PIK3CB: variants seen among roughly 807,000 people sequenced by gnomAD.
PIK3CB encodes phosphatidylinositol 4,5-bisphosphate 3-kinase catalytic subunit beta isoform.
Under a neutral mutation model 136.8 loss-of-function variants are expected in PIK3CB, and 39 were observed. That is an observed-to-expected ratio of 0.29 (90% CI 0.22 to 0.37). The LOEUF is 0.37. Ranked by LOEUF, PIK3CB falls within the 10% of genes least tolerant of loss-of-function variation. The pLI is 1.00. For synonymous variants in PIK3CB, 428 were observed against 436.6 expected, an observed-to-expected ratio of 0.98 and a Z score of 0.25; for missense variants, 868 against 1,275.4, an observed-to-expected ratio of 0.68 and a Z score of 4.87.
chr3:138,787,607 G>A (rs1035066835), intron 2 of PIK3CB, among the ~76,000 whole-genome samples: 3 of 151,850 alleles, frequency 2.0e-5, no homozygotes, highest in African/African-American at 7.3e-5. Flanking sequence ...CATCTGAATA[G>A]GGAATATATT....
At chr3:138,698,101 A>T (rs2044175680) in intron 13 of PIK3CB, among the ~76,000 whole-genome samples, 2 of 152,230 alleles carry the variant, frequency 1.3e-5, no homozygotes, top group Non-Finnish European at 2.9e-5. Flanking sequence ...GAGAAGTGAA[A>T]CAATAAATCC....
chr3:138,742,411 C>T (rs966890571), intron 5 of PIK3CB, 147 bp downstream of exon 5: 14 of 576,734 alleles, frequency 2.4e-5, no homozygotes, highest in Non-Finnish European at 4.0e-5. Context: ...TATATATAAT[C>T]CTAAATACAT....
chr3:138,716,005 A>T (rs1278491135), intron 8 of PIK3CB, among the ~76,000 whole-genome samples: 1 of 152,186 alleles, frequency 6.6e-6, no homozygotes, highest in African/African-American at 2.4e-5. Flanking sequence ...TGATGGGTTC[A>T]TGGAGGTTCA....
At chr3:138,809,686 G>A (rs959526216) in intron 1 of PIK3CB, among the ~76,000 whole-genome samples, 2 of 150,792 alleles carry the variant, frequency 1.3e-5, no homozygotes, top group East Asian at 3.9e-4. Context: ...TAAACAAGAA[G>A]AGGAAGCGAG....
chr3:138,708,263 C>CTTTTTTTTTTTTTTT (rs61178842), intron 10 of PIK3CB, among the ~76,000 whole-genome samples: 1 of 108,886 alleles, frequency 9.2e-6, no homozygotes, highest in Non-Finnish European at 1.8e-5. Flanking sequence ...TTTTCTTTTT[C>CTTTTTTTTTTTTTTT]TTTTTTTTTT....
intron 2 of PIK3CB, among the ~76,000 whole-genome samples, chr3:138,762,281 A>G (rs2045673783): frequency 6.6e-6 from 1 of 152,150 alleles, no homozygotes; most frequent in Non-Finnish European, 1.5e-5. Flanking sequence ...AACAAAACCT[A>G]TCTTTGAAAT....
At chr3:138,717,253 C>CAAAAAA (rs538932107) in intron 8 of PIK3CB, among the ~76,000 whole-genome samples, 1 of 78,828 alleles carries the variant, frequency 1.3e-5, no homozygotes, top group Admixed American at 1.3e-4. Context: ...GACGCTGTCT[C>CAAAAAA]AAAAAAAAAA....
intron 5 of PIK3CB, among the ~76,000 whole-genome samples, chr3:138,739,225 AATGAGGTCAGGAGATC>A (rs2045184210): frequency 6.6e-6 from 1 of 151,424 alleles, no homozygotes; most frequent in Non-Finnish European, 1.5e-5. Context: ...GTGGGCAGAT[AATGAGGTCAGGAGATC>A]ATGACCAGCC....
intron 4 of PIK3CB, among the ~76,000 whole-genome samples, chr3:138,747,881 C>T (rs2045392934): frequency 6.6e-6 from 1 of 152,238 alleles, no homozygotes; most frequent in East Asian, 1.9e-4. Context: ...TTTTTAGTCA[C>T]TTCTGCCATT....
Position 138,807,517 on chromosome 3 carries a change from T to TA in PIK3CB, c.-121-10951dup, listed in dbSNP as rs532593052. Among the ~76,000 whole-genome samples, 489 of 152,280 alleles carry TA rather than the reference T, an allele frequency of 3.2e-3. 6 individuals are homozygous for TA. Among genetic ancestry groups the TA allele is most frequent in the African/African-American group, 1.0e-2 (415 of 41,562 alleles). ...AATGCCAATACACTATAAACTTTCTTAAAGTTTGTCAACAGAGGACTGGTT... is the reference window on the plus strand; with the variant it reads ...AATGCCAATACACTATAAACTTTCTTAAAAGTTTGTCAACAGAGGACTGGTT... On this transcript the variant is annotated intron_variant, in intron 1 of 23. Coordinates refer to ENST00000674063, the MANE Select transcript of PIK3CB (RefSeq NM_006219.3).
At position 138,742,587 on chromosome 3, in the gene PIK3CB, T is replaced by C; in HGVS notation, c.592A>G (p.Ile198Val). The change falls in exon 5 of 24, where the codon ATC becomes GTC. Residue 198 changes from isoleucine to valine, a missense_variant. Physicochemically the swap from Ile to Val is conservative, Grantham distance 29. Around this residue, in one of 4 missense-constraint regions of PIK3CB, gnomAD observed 612 missense variants for 801.1 expected, o/e 0.76. Transcript: ENST00000674063. ...CAGTTTTCAAAATGAACAGCTACGATGAGCTTTCCCCCATAAAGTTTATCT... is the reference window on the plus strand; with the variant it reads ...CAGTTTTCAAAATGAACAGCTACGACGAGCTTTCCCCCATAAAGTTTATCT... ...LEDKLYGGKL[I>V]VAVHFENCQD... is the part of the protein sequence containing the mutation. 2.5e-6 allele frequency: 4 copies of C among 1,581,348 alleles called. No homozygotes were observed. In the South Asian group the frequency reaches 4.5e-5, roughly 18 times the overall value.
chr3:138,789,837 C>T (rs751218471), intron 2 of PIK3CB, among the ~76,000 whole-genome samples: 6 of 151,814 alleles, frequency 4.0e-5, no homozygotes, highest in Non-Finnish European at 7.4e-5. Context: ...ACTGCAGATG[C>T]GGGCCACCAC....
At chr3:138,699,610 G>C (rs1173312111) in intron 12 of PIK3CB, among the ~76,000 whole-genome samples, 1 of 152,160 alleles carries the variant, frequency 6.6e-6, no homozygotes, top group Non-Finnish European at 1.5e-5. Context: ...AAAGTTAACA[G>C]AAATCCAGAT....
At chr3:138,661,609 A>G (rs776968444) in intron 21 of PIK3CB, among the ~76,000 whole-genome samples, 6 of 152,262 alleles carry the variant, frequency 3.9e-5, no homozygotes, top group Non-Finnish European at 7.3e-5. Context: ...ATTGGACGGA[A>G]GTCCAAGGGA....
chr3:138,820,426 G>A (rs963906481), intron 1 of PIK3CB, among the ~76,000 whole-genome samples: 2 of 152,162 alleles, frequency 1.3e-5, no homozygotes, highest in Non-Finnish European at 2.9e-5. Flanking sequence ...CACCTTTGTG[G>A]TTTTTTAACC....
intron 4 of PIK3CB, 124 bp downstream of exon 4, chr3:138,755,630 A>G (rs2045551592): frequency 1.9e-6 from 1 of 530,972 alleles, no homozygotes; most frequent in Non-Finnish European, 3.3e-6. Flanking sequence ...ACTGGCAACA[A>G]TTTACAGATC....
intron 19 of PIK3CB, among the ~76,000 whole-genome samples, chr3:138,671,841 T>C (rs2043539566): frequency 6.6e-6 from 1 of 152,230 alleles, no homozygotes. Context: ...CCCCATTGGC[T>C]GGGGTTGGGT....
At chr3:138,748,916 C>T (rs1464890195) in intron 4 of PIK3CB, among the ~76,000 whole-genome samples, 1 of 152,102 alleles carries the variant, frequency 6.6e-6, no homozygotes, top group Non-Finnish European at 1.5e-5. Context: ...GTAAGGGTTG[C>T]ATTGTCTTTT....
intron 19 of PIK3CB, among the ~76,000 whole-genome samples, chr3:138,680,960 T>C (rs1326786474): frequency 2.0e-5 from 3 of 152,030 alleles, no homozygotes; most frequent in African/African-American, 7.2e-5. Context: ...AGGGCTAGGA[T>C]TACAGGAGTG....
Sources: gnomAD v4.1 joint callset for allele counts (sites outside exome capture counted in the v4.1 genomes callset) on GRCh38, gnomAD v4.1.1 for gene constraint, gnomAD v4.1.1 regional missense constraint, MANE v1.5 for transcripts, NCBI Gene and HGNC (gene_info 2026-07-23, HGNC 2026-07-21) for gene names.